CCNA2: variants seen among roughly 807,000 people sequenced by gnomAD.
The protein encoded by CCNA2 is cyclin-A2.
In CCNA2, 3 loss-of-function variants were observed where a neutral mutation model predicts 49.4. The ratio of observed to expected loss-of-function variants is 0.06; its 90% CI spans 0.03 to 0.16. The LOEUF (loss-of-function observed/expected upper bound fraction) is 0.16. Ranked by LOEUF, CCNA2 falls within the 10% of genes least tolerant of loss-of-function variation. The pLI, the probability that CCNA2 is intolerant of heterozygous loss-of-function variation, is 1.00. For missense variants in CCNA2, 372 were observed against 519.7 expected, an observed-to-expected ratio of 0.72 and a Z score of 2.76; for synonymous variants, 206 against 197.2, an observed-to-expected ratio of 1.04 and a Z score of -0.37.
chr4:121,816,737 ACT>A lies in CCNA2; in HGVS notation c.*899_*900del. ...ATTTCAATAATCCAAAACTTAACAT[ACT>A]CTTAGTAAATTCTTACTTTGCTTTA... On this transcript the variant is annotated 3_prime_UTR_variant, in exon 8 of 8. Transcript: ENST00000274026. The A allele has an allele frequency of 6.5e-7, 1 of 1,542,266 alleles. No individual in the cohort carries two copies. Among genetic ancestry groups the A allele is most frequent in the East Asian group, 2.3e-5 (1 of 43,286 alleles).
rs1183059410 is a variant in CCNA2 at position 121,817,073 on chromosome 4, C to T, written c.*565G>A. ...GCTTCCCACCCTCTTCCACTCCCAA[C>T]CTCTGTTGAGTTTACCTCGCAAAAC... On this transcript the variant is annotated 3_prime_UTR_variant, in exon 8 of 8. Coordinates refer to ENST00000274026, the MANE Select transcript of CCNA2 (RefSeq NM_001237.5). 4.1e-6 allele frequency: 2 copies of T among 487,712 alleles called. No individual in the cohort carries two copies. Among genetic ancestry groups the T allele is most frequent in the Non-Finnish European group, 7.1e-6 (2 of 281,634 alleles). The allele number at this position is 487,712 out of a possible 1,614,324, so 30.2% of individuals were successfully genotyped here.
chr4:121,820,178 T>A lies in CCNA2; in HGVS notation c.794+364A>T, dbSNP rs1724656778. 6.6e-6 allele frequency among the ~76,000 whole-genome samples: 1 copy of A among 152,182 alleles called. No individual in the cohort carries two copies. ...CTGGTCTCAAACTCCTGACCTCAAGTGATCCGCCCACCTCGGCCTCCCAAA... is the reference window on the plus strand; with the variant it reads ...CTGGTCTCAAACTCCTGACCTCAAGAGATCCGCCCACCTCGGCCTCCCAAA... On this transcript the variant is annotated intron_variant, in intron 4 of 7. Transcript: ENST00000274026. The surrounding 1 kb of genome is among the most constrained non-coding windows in gnomAD (Gnocchi z 4.1).
intron 2 of CCNA2, 48 bp from the exon 3 acceptor site, chr4:121,821,139 G>A: frequency 6.4e-7 from 1 of 1,574,784 alleles, no homozygotes; most frequent in Non-Finnish European, 8.6e-7. Context: ...TGCCTATTTA[G>A]TTTAATAGCT....
Position 121,817,458 on chromosome 4 carries a change from G to C in CCNA2, c.*180C>G. ...TAAAATTAGCCAAATATCTAAGACA[G>C]ATACATATACAAAAGATATACAAAT... On this transcript the variant is annotated 3_prime_UTR_variant, in exon 8 of 8. Transcript: ENST00000274026. 1 of 626,690 alleles carries C rather than the reference G, an allele frequency of 1.6e-6. No homozygotes were observed. The highest frequency in any genetic ancestry group is 2.6e-6 in the Non-Finnish European group (1 of 386,496). 38.8% of individuals were successfully genotyped at this position (626,690 alleles called of 1,614,324 possible). A position where few individuals can be genotyped will look rare whatever the true frequency, so the allele number is the denominator to read the frequency against.
At position 121,822,612 on chromosome 4, in the gene CCNA2, T is replaced by G. The variant is rs200175803; in HGVS notation, c.248A>C (p.Glu83Ala). The change falls in exon 2 of 8, where the codon GAG (glutamate) becomes GCG (alanine). Residue 83 changes from glutamate to alanine, a missense_variant. By Grantham distance (107) the Glu-to-Ala change is moderately radical (BLOSUM62 -1). Coordinates refer to ENST00000274026, the MANE Select transcript of CCNA2 (RefSeq NM_001237.5). ...APLKDLPVND[E>A]HVTVPPWKAN... ...TTTCCAAGGAGGAACGGTGACATGC[T>G]CATCATTTACAGGAAGATCCTTAAG... The G allele has an allele frequency of 6.2e-7, 1 of 1,614,062 alleles. No individual in the cohort carries two copies. Among genetic ancestry groups the G allele is most frequent in the Non-Finnish European group, 8.5e-7 (1 of 1,180,008 alleles).
chr4:121,817,197 C>T lies in CCNA2; in HGVS notation c.*441G>A, dbSNP rs772435038. The T allele has an allele frequency of 1.3e-5, 3 of 233,122 alleles. No individual in the cohort carries two copies. The highest frequency in any genetic ancestry group is 2.5e-5 in the Non-Finnish European group (3 of 120,614). 14.4% of individuals were successfully genotyped at this position (233,122 alleles called of 1,614,324 possible). ...TCAGATATGCTTAGATTAGATTATG[C>T]CCAAGTCAGCAAATTGATCCAGTTG... On this transcript the variant is annotated 3_prime_UTR_variant, in exon 8 of 8. Transcript: ENST00000274026.
At position 121,821,072 on chromosome 4, in the gene CCNA2, G is replaced by A; in HGVS notation, c.477C>T (p.Asp159=). 3 of 1,612,980 alleles carry A rather than the reference G, an allele frequency of 1.9e-6. No homozygotes were observed. The highest frequency in any genetic ancestry group is 2.5e-6 in the Non-Finnish European group (3 of 1,179,388). ...TTTCATCTTCTAATATAATTGACAT[G>A]TCCATAGTATGTGGTGACTCTGGGA... The part of the protein sequence containing the change: ...DGSFESPHTM[D]MSIILEDEKP... The change falls in exon 3 of 8, where the codon GAC becomes GAT. Residue 159 remains aspartate, a synonymous_variant. Coordinates refer to ENST00000274026, the MANE Select transcript of CCNA2 (RefSeq NM_001237.5).
At chr4:121,822,368 A>G in intron 2 of CCNA2, 35 bp downstream of exon 2, 1 of 1,585,674 alleles carries the variant, frequency 6.3e-7, no homozygotes, top group Non-Finnish European at 8.6e-7. Flanking sequence ...AATTATAATT[A>G]CCGTAATTCC....
rs1320991957 is a variant in CCNA2, at chr4:121,823,503, T to C, written c.126A>G (p.Gln42=). 3.1e-6 allele frequency: 5 copies of C among 1,613,386 alleles called. No homozygotes were observed. In the East Asian group the frequency reaches 6.7e-5, roughly 22 times the overall value. Residue 42 remains glutamine (Q), a synonymous_variant, in exon 1 of 8, where the codon CAA becomes CAG. Coordinates refer to ENST00000274026, the MANE Select transcript of CCNA2 (RefSeq NM_001237.5). ...NINPEKAAPV[Q]QPRTRAALAV... ...CCAGCGCGGCCCGGGTCCGCGGTTG[T>C]TGGACGGGCGCTGCCTTTTCCGGGT...
chr4:121,816,819 C>T lies in CCNA2; in HGVS notation c.*819G>A. 1 of 1,600,228 alleles carries T rather than the reference C, an allele frequency of 6.2e-7. No homozygotes were observed. ...CAAGAAAAAGCACCAAGTAAAAAGC[C>T]AGTGAAAAGAAGAAAAAAGAAGAGA... On this transcript the variant is annotated 3_prime_UTR_variant, in exon 8 of 8. Coordinates refer to ENST00000274026, the MANE Select transcript of CCNA2 (RefSeq NM_001237.5).
Position 121,816,522 on chromosome 4 carries a change from C to CTCA in CCNA2, c.*1113_*1115dup, listed in dbSNP as rs1218034841. 1.1e-5 allele frequency: 11 copies of CTCA among 987,530 alleles called. 1 individual carries two copies. Among genetic ancestry groups the CTCA allele is most frequent in the Non-Finnish European group, 7.5e-6 (5 of 662,904 alleles). 61.2% of individuals were successfully genotyped at this position (987,530 alleles called of 1,614,324 possible). A position where few individuals can be genotyped will look rare whatever the true frequency, so the allele number is the denominator to read the frequency against. ...TAGAGGTTTGCTCTCTGGTTTTACTCTCATCTTGCCACATGACTATAAACA... is the reference window on the plus strand; with the variant it reads ...TAGAGGTTTGCTCTCTGGTTTTACTCTCATCATCTTGCCACATGACTATAAACA... On this transcript the variant is annotated 3_prime_UTR_variant, in exon 8 of 8. Coordinates refer to ENST00000274026, the MANE Select transcript of CCNA2 (RefSeq NM_001237.5).
chr4:121,823,731 GC>G lies in CCNA2; in HGVS notation c.-104del. On this transcript the variant is annotated 5_prime_UTR_variant, in exon 1 of 8. Transcript: ENST00000274026. Reference sequence around the variant, plus strand: ...CCGACCCGGCCAAAGAATAGTCGTAGCCGCCGGTCGCAGCCCAGGCCAGCCT... The same window carrying G: ...CCGACCCGGCCAAAGAATAGTCGTAGCGCCGGTCGCAGCCCAGGCCAGCCT... The G allele has an allele frequency of 6.9e-7, 1 of 1,450,166 alleles. No individual in the cohort carries two copies. The highest frequency in any genetic ancestry group is 2.5e-5 in the Admixed American group (1 of 39,932). 89.8% of individuals were successfully genotyped at this position (1,450,166 alleles called of 1,614,324 possible). A position where few individuals can be genotyped will look rare whatever the true frequency, so the allele number is the denominator to read the frequency against.
At position 121,818,129 on chromosome 4, in the gene CCNA2, G is replaced by A; in HGVS notation, c.1165C>T (p.Pro389Ser). ...GTCTGGTGAAGGTCCATGAGACAAG[G>A]CTTAAGACTTTCCAGGGTATATCCA... Reference protein sequence around the residue: ...KTGYTLESLKPCLMDLHQTYL... With the variant: ...KTGYTLESLKSCLMDLHQTYL... Residue 389 changes from proline to serine, a missense_variant, in exon 7 of 8, where the codon CCT becomes TCT. Pro to Ser is a moderately conservative substitution (Grantham distance 74, BLOSUM62 -1). Coordinates refer to ENST00000274026, the MANE Select transcript of CCNA2 (RefSeq NM_001237.5). 2.5e-6 allele frequency: 4 copies of A among 1,613,508 alleles called. No individual in the cohort carries two copies. The highest frequency in any genetic ancestry group is 2.2e-5 in the East Asian group (1 of 44,884).
rs1429823820 is a variant in CCNA2, at chr4:121,821,030, A to C, written c.519T>G (p.Asn173Lys). The C allele has an allele frequency of 1.9e-6, 3 of 1,613,236 alleles. No individual in the cohort carries two copies. The highest frequency in any genetic ancestry group is 1.7e-6 in the Non-Finnish European group (2 of 1,179,322). ...TATCCTCATGGTAGTCTGGTACTTC[A>C]TTAACACTCACTGGCTTTTCATCTT... Reference protein sequence around the residue: ...ILEDEKPVSVNEVPDYHEDIH... With the variant: ...ILEDEKPVSVKEVPDYHEDIH... Residue 173 changes from asparagine (N) to lysine (K), a missense_variant, in exon 3 of 8, where the codon AAT (asparagine) becomes AAG (lysine). Around this residue, in one of 2 missense-constraint regions of CCNA2, gnomAD observed 217 missense variants for 231.7 expected, o/e 0.94. Transcript: ENST00000274026.
Position 121,823,639 on chromosome 4 carries a change from G to A in CCNA2, c.-11C>T. On this transcript the variant is annotated 5_prime_UTR_variant, in exon 1 of 8. Transcript: ENST00000274026. ...AGAGTTGCCCAACATCACTGCTCCC[G>A]GGAGTGGACGGCGGGATCAGCCTGC... 1.3e-6 allele frequency: 2 copies of A among 1,564,896 alleles called. No homozygotes were observed. The highest frequency in any genetic ancestry group is 1.2e-5 in the South Asian group (1 of 86,646).
Position 121,816,511 on chromosome 4 carries a change from C to G in CCNA2, c.*1127G>C, listed in dbSNP as rs918393774. The stretch of plus-strand genomic sequence containing the variant: ...CTCAACACTTATAGAGGTTTGCTCT[C>G]TGGTTTTACTCTCATCTTGCCACAT... On this transcript the variant is annotated 3_prime_UTR_variant, in exon 8 of 8. Coordinates refer to ENST00000274026, the MANE Select transcript of CCNA2 (RefSeq NM_001237.5). 3.7e-6 allele frequency: 4 copies of G among 1,080,614 alleles called. No homozygotes were observed. The highest frequency in any genetic ancestry group is 4.1e-6 in the Non-Finnish European group (3 of 740,256). The allele number at this position is 1,080,614 out of a possible 1,614,324, so 66.9% of individuals were successfully genotyped here.
chr4:121,819,129 A>G (rs1409766611), intron 5 of CCNA2, among the ~76,000 whole-genome samples: 2 of 151,948 alleles, frequency 1.3e-5, no homozygotes, highest in African/African-American at 4.8e-5. Context: ...TTAAAAAACA[A>G]CTCTTCTGAC....
At position 121,817,049 on chromosome 4, in the gene CCNA2, C is replaced by G. The variant is rs1231711241; in HGVS notation, c.*589G>C. ...TCTCGTCTGTTAATTTGCATATAAG[C>G]TTCCCACCCTCTTCCACTCCCAACC... is the stretch of plus-strand genomic sequence containing the variant. On this transcript the variant is annotated 3_prime_UTR_variant, in exon 8 of 8. Transcript: ENST00000274026. 6 of 561,678 alleles carry G rather than the reference C, an allele frequency of 1.1e-5. No individual in the cohort carries two copies. The African/African-American group carries it at 1.2e-4, about 11-fold the overall frequency. 34.8% of individuals were successfully genotyped at this position (561,678 alleles called of 1,614,324 possible). A position where few individuals can be genotyped will look rare whatever the true frequency, so the allele number is the denominator to read the frequency against.
chr4:121,819,563 A>G lies in CCNA2; in HGVS notation c.811T>C (p.Tyr271His), dbSNP rs1201188577. 2 of 1,612,736 alleles carry G rather than the reference A, an allele frequency of 1.2e-6. No individual in the cohort carries two copies. Among genetic ancestry groups the G allele is most frequent in the African/African-American group, 2.7e-5 (2 of 74,968 alleles). ...ACAAACTCTGCTACTTCTGGGGGGT[A>G]TATTTCTTCAAACTTTCTACAATGA... ...MLLASKFEEI[Y>H]PPEVAEFVYI... Residue 271 changes from tyrosine to histidine, a missense_variant, in exon 5 of 8, where the codon TAC becomes CAC. This residue lies in a region of CCNA2 where 155 missense variants were observed against 288.1 expected (regional missense o/e 0.54). Coordinates refer to ENST00000274026, the MANE Select transcript of CCNA2 (RefSeq NM_001237.5).
Sources: allele counts gnomAD v4.1 joint callset (sites outside exome capture counted in the v4.1 genomes callset), GRCh38; gene constraint gnomAD v4.1.1; regional missense constraint gnomAD v4.1.1; non-coding constraint Gnocchi (gnomAD v3.1); transcripts MANE v1.5; gene names NCBI Gene and HGNC (gene_info 2026-07-23, HGNC 2026-07-21).